MSH3: variants seen among roughly 807,000 people sequenced by gnomAD.
The protein encoded by MSH3 is DNA mismatch repair protein Msh3.
Under a neutral mutation model 123.3 loss-of-function variants are expected in MSH3, and 106 were observed. That is an observed-to-expected ratio of 0.86 (90% confidence interval 0.73 to 1.01). The LOEUF is 1.01. MSH3 is among the 50% of genes least tolerant of loss of function. MSH3 has a pLI of 0.00. For missense variants in MSH3, 1,459 were observed against 1,347.6 expected, an observed-to-expected ratio of 1.08 and a Z score of -1.29; for synonymous variants, 515 against 481.4, an observed-to-expected ratio of 1.07 and a Z score of -0.91.
At chr5:80,667,481 G>A (rs1299245264) in intron 3 of MSH3, among the ~76,000 whole-genome samples, 1 of 152,172 alleles carries the variant, frequency 6.6e-6, no homozygotes, top group Non-Finnish European at 1.5e-5. Context: ...TGGGCCTGCT[G>A]GGCTCATTCC....
chr5:80,852,658 C>G (rs1745849063), intron 20 of MSH3, among the ~76,000 whole-genome samples: 1 of 152,100 alleles, frequency 6.6e-6, no homozygotes, highest in African/African-American at 2.4e-5. Context: ...CCAGAATGTT[C>G]CTAAGGTGGC....
At position 80,670,188 on chromosome 5, in the gene MSH3, G is replaced by T. The variant is rs772141055; in HGVS notation, c.671G>T (p.Arg224Leu). 3.7e-6 allele frequency: 6 copies of T among 1,613,964 alleles called. No individual in the cohort carries two copies. The highest frequency in any genetic ancestry group is 3.4e-6 in the Non-Finnish European group (4 of 1,179,968). The change falls in exon 4 of 24, where the codon CGG (arginine) becomes CTG (leucine). Residue 224 changes from arginine (R) to leucine (L), a missense_variant. Arg to Leu is a moderately radical substitution (Grantham distance 102). Transcript: ENST00000265081. Reference protein sequence around the residue: ...QKTASKSANKRSKSIYTPLEL... With the variant: ...QKTASKSANKLSKSIYTPLEL... ...ACTGCTTCCAAATCAGCTAACAAACGGTCCAAAAGCATCTATACGCCGCTA... is the reference window on the plus strand; with the variant it reads ...ACTGCTTCCAAATCAGCTAACAAACTGTCCAAAAGCATCTATACGCCGCTA...
intron 20 of MSH3, among the ~76,000 whole-genome samples, chr5:80,825,510 T>G (rs1012299015): frequency 6.6e-6 from 1 of 152,200 alleles, no homozygotes; most frequent in Admixed American, 6.5e-5. Context: ...TTTCTTGATA[T>G]GATGCCAATT....
intron 20 of MSH3, among the ~76,000 whole-genome samples, chr5:80,829,758 G>C (rs1745387300): frequency 6.6e-6 from 1 of 152,168 alleles, no homozygotes; most frequent in African/African-American, 2.4e-5. Context: ...AATGTGTCAG[G>C]AAGTATTCCC....
At chr5:80,674,226 T>C (rs1749785057) in intron 6 of MSH3, among the ~76,000 whole-genome samples, 1 of 152,190 alleles carries the variant, frequency 6.6e-6, no homozygotes, top group Admixed American at 6.5e-5. Context: ...GGGTCCTATG[T>C]CCTGATGTCC....
chr5:80,848,403 C>G (rs981415775), intron 20 of MSH3, among the ~76,000 whole-genome samples: 3 of 152,170 alleles, frequency 2.0e-5, no homozygotes, highest in Admixed American at 2.0e-4. Flanking sequence ...CTTAATCTTC[C>G]TGAGGATACC....
intron 18 of MSH3, 65 bp downstream of exon 18, chr5:80,787,737 A>G: frequency 9.2e-7 from 1 of 1,091,246 alleles, no homozygotes; most frequent in Non-Finnish European, 1.4e-6. Context: ...TCAATTAATT[A>G]TAGTGTCTTT....
At chr5:80,667,045 T>G (rs1677640) in intron 3 of MSH3, among the ~76,000 whole-genome samples, 1 of 151,960 alleles carries the variant, frequency 6.6e-6, no homozygotes, top group Non-Finnish European at 1.5e-5. Flanking sequence ...ACACAAGTTT[T>G]CCTATATAAC....
chr5:80,776,588 C>T (rs2112890816), intron 16 of MSH3, among the ~76,000 whole-genome samples: 1 of 152,082 alleles, frequency 6.6e-6, no homozygotes, highest in African/African-American at 2.4e-5. Context: ...TAGAGAACCA[C>T]ATTGGGACTC....
intron 22 of MSH3, among the ~76,000 whole-genome samples, chr5:80,865,313 A>ATTTT: frequency 6.6e-6 from 1 of 152,152 alleles, no homozygotes; most frequent in East Asian, 1.9e-4. Flanking sequence ...TCTTTTAAAA[A>ATTTT]CGCCCAATAT....
At chr5:80,818,002 G>A (rs1745134276) in intron 20 of MSH3, among the ~76,000 whole-genome samples, 1 of 152,190 alleles carries the variant, frequency 6.6e-6, no homozygotes, top group South Asian at 2.1e-4. Context: ...CTGAGGTCAG[G>A]AGTTCAAGAC....
chr5:80,755,747 G>GTTCAA (rs1743916203), intron 12 of MSH3, among the ~76,000 whole-genome samples: 1 of 152,160 alleles, frequency 6.6e-6, no homozygotes, highest in Non-Finnish European at 1.5e-5. Flanking sequence ...AAGGATTGGG[G>GTTCAA]TTCAACTGCC....
chr5:80,844,417 G>T (rs1036006569), intron 20 of MSH3, among the ~76,000 whole-genome samples: 1 of 152,046 alleles, frequency 6.6e-6, no homozygotes, highest in African/African-American at 2.4e-5. Flanking sequence ...TTTTAGGTCC[G>T]TTTGGTCCAG....
rs574886518 is a variant in MSH3, at chr5:80,717,976, C to T, written c.1341-7477C>T. ...AAAGTTTCAGAAGTAATTTAATTTT[C>T]GGAGAAGCCAGTAAAATTGGAATCA... On this transcript the variant is annotated intron_variant, in intron 8 of 23. Transcript: ENST00000265081. Among the ~76,000 whole-genome samples the T allele has an allele frequency of 1.7e-4, 26 of 152,076 alleles. 1 individual carries two copies. The South Asian group carries it at 4.8e-3, about 28-fold the overall frequency.
intron 8 of MSH3, among the ~76,000 whole-genome samples, chr5:80,698,922 C>T (rs1750545916): frequency 6.6e-6 from 1 of 151,992 alleles, no homozygotes; most frequent in South Asian, 2.1e-4. Context: ...GCACGTTGTG[C>T]ACATGTACCC....
intron 17 of MSH3, among the ~76,000 whole-genome samples, chr5:80,783,644 T>C (rs1369863615): frequency 6.6e-6 from 1 of 152,178 alleles, no homozygotes; most frequent in East Asian, 1.9e-4. Context: ...CAGAGATAGC[T>C]ACCCTCAAGT....
intron 21 of MSH3, among the ~76,000 whole-genome samples, chr5:80,856,395 T>C (rs1580093185): frequency 1.3e-5 from 2 of 151,978 alleles, no homozygotes; most frequent in African/African-American, 4.8e-5. Context: ...GTTCATGTCC[T>C]TTATAGGGAC....
intron 12 of MSH3, among the ~76,000 whole-genome samples, chr5:80,754,515 C>A (rs927204078): frequency 2.6e-5 from 4 of 152,256 alleles, no homozygotes; most frequent in Admixed American, 2.6e-4. Context: ...GTAGTGGAAG[C>A]TTTTGTACTA....
At chr5:80,852,125 A>G (rs1403584881) in intron 20 of MSH3, among the ~76,000 whole-genome samples, 2 of 152,204 alleles carry the variant, frequency 1.3e-5, no homozygotes, top group Non-Finnish European at 2.9e-5. Flanking sequence ...CAGGAGTTCA[A>G]CAACAGCCCA....
Sources: allele counts gnomAD v4.1 joint callset (sites outside exome capture counted in the v4.1 genomes callset), GRCh38; gene constraint gnomAD v4.1.1; transcripts MANE v1.5; gene names NCBI Gene and HGNC (gene_info 2026-07-23, HGNC 2026-07-21).